Variants in CHD2 observed in about 807,000 individuals in gnomAD.
CHD2 encodes chromodomain helicase DNA binding protein 2.
A neutral mutation model predicts 243.9 loss-of-function variants in CHD2; 28 were observed. That is an observed-to-expected ratio of 0.11 (90% confidence interval 0.09 to 0.16). CHD2 has a LOEUF of 0.16. CHD2 is among the 10% of genes least tolerant of loss of function. The pLI, the probability that CHD2 is intolerant of heterozygous loss-of-function variation, is 1.00. For synonymous variants in CHD2, 775 were observed against 779.0 expected (o/e 0.99, Z 0.09); for missense variants, 1,386 against 2,209.8 (o/e 0.63, Z 7.47).
Position 92,977,495 on chromosome 15 carries a change from T to C in CHD2, c.2578-739T>C, listed in dbSNP as rs1474448499. 9.9e-5 allele frequency among the ~76,000 whole-genome samples: 15 copies of C among 152,192 alleles called. 1 individual carries two copies. On this transcript the variant is annotated intron_variant, in intron 20 of 38. Transcript: ENST00000394196. ...TGATTAAATTCCCTGAAAATAGAAA[T>C]ATTTCACCTTTTCCCCCCGGCTTAT...
rs1025314321 is a variant in CHD2 at position 92,941,692 on chromosome 15, TG to T, written c.693-128del. On this transcript the variant is annotated intron_variant, in intron 7 of 38. Coordinates refer to ENST00000394196, the MANE Select transcript of CHD2 (RefSeq NM_001271.4). ...AAGTAAGCTTTGAGCCTACTGTAAATGGCAGATCTATAAAACAACATGCTTT... is the reference window on the plus strand; with the variant it reads ...AAGTAAGCTTTGAGCCTACTGTAAATGCAGATCTATAAAACAACATGCTTT... 56 of 878,578 alleles carry T rather than the reference TG, an allele frequency of 6.4e-5. No homozygotes were observed. In the African/African-American group the frequency reaches 9.6e-4, roughly 15 times the overall value. 54.4% of individuals were successfully genotyped at this position (878,578 alleles called of 1,614,324 possible). A position where few individuals can be genotyped will look rare whatever the true frequency, so the allele number is the denominator to read the frequency against.
rs561490108 is a variant in CHD2, at chr15:92,933,562, G to A, written c.444-3956G>A. Among the ~76,000 whole-genome samples, 3 of 152,226 alleles carry A rather than the reference G, an allele frequency of 2.0e-5. No individual in the cohort carries two copies. The South Asian group carries it at 6.2e-4, about 32-fold the overall frequency. On this transcript the variant is annotated intron_variant, in intron 5 of 38. Coordinates refer to ENST00000394196, the MANE Select transcript of CHD2 (RefSeq NM_001271.4). ...CTCTTAATGTTATCCAAATTGCGCA[G>A]TGTTGTATAAGATTTTTGTTGACTT...
chr15:92,971,710 C>T, intron 17 of CHD2, 55 bp from the exon 18 acceptor site: 1 of 1,527,048 alleles, frequency 6.5e-7, no homozygotes, highest in Non-Finnish European at 8.9e-7. Flanking sequence ...CTTCTGGTAC[C>T]TACAACTTTC....
intron 27 of CHD2, 46 bp from the exon 28 acceptor site, chr15:92,992,813 A>G: frequency 1.2e-6 from 2 of 1,602,056 alleles, no homozygotes; most frequent in Non-Finnish European, 1.7e-6. Context: ...ACTTAAGAAG[A>G]GTGGGCACAG....
At chr15:92,979,489 C>T (rs1009900600) in intron 22 of CHD2, among the ~76,000 whole-genome samples, 2 of 152,130 alleles carry the variant, frequency 1.3e-5, no homozygotes, top group Non-Finnish European at 1.5e-5. Flanking sequence ...GTTTTCCTCT[C>T]TTTCTTGCCC....
chr15:93,016,329 A>G (rs2054459804), intron 37 of CHD2, among the ~76,000 whole-genome samples: 1 of 152,198 alleles, frequency 6.6e-6, no homozygotes, highest in African/African-American at 2.4e-5. Flanking sequence ...CAGGGAGTAG[A>G]ACAGTAGTTA....
intron 37 of CHD2, among the ~76,000 whole-genome samples, chr15:93,019,184 T>C (rs1478170363): frequency 3.3e-5 from 5 of 152,282 alleles, no homozygotes; most frequent in Admixed American, 3.3e-4. Flanking sequence ...TAGGGAAGAA[T>C]AATAGAATCG....
At chr15:93,021,843 G>C (rs2054538202) in intron 38 of CHD2, 1 of 152,186 alleles carries the variant, frequency 6.6e-6, no homozygotes, top group African/African-American at 2.4e-5. Context: ...TGTGGGTCTT[G>C]CTCCCCTGGT....
intron 7 of CHD2, among the ~76,000 whole-genome samples, chr15:92,940,847 T>C (rs1406959428): frequency 6.6e-5 from 7 of 105,358 alleles, no homozygotes; most frequent in Admixed American, 5.5e-4. Flanking sequence ...TAAAAATATA[T>C]ATAAATATAT....
intron 28 of CHD2, chr15:92,993,286 G>A (rs1047588086): frequency 2.5e-5 from 8 of 316,412 alleles, no homozygotes; most frequent in Admixed American, 1.7e-4. Context: ...AAACCCAGGG[G>A]CAGAGCTTGG....
At chr15:92,904,920 CAAAGG>C (rs1445843509) in intron 2 of CHD2, 3 of 1,535,816 alleles carry the variant, frequency 2.0e-6, no homozygotes, top group Non-Finnish European at 2.6e-6. Flanking sequence ...GGCTCATAAA[CAAAGG>C]GAAGATTATT....
At chr15:92,979,084 G>A (rs748571813) in intron 21 of CHD2, 51 bp from the exon 22 acceptor site, 7 of 1,578,760 alleles carry the variant, frequency 4.4e-6, no homozygotes, top group Middle Eastern at 1.8e-4. Context: ...CTTTTTTTGG[G>A]GGGGTTGGGG....
At chr15:93,003,089 G>GCAAC (rs148852120) in intron 33 of CHD2, among the ~76,000 whole-genome samples, 10,440 of 151,984 alleles carry the variant, frequency 0.069, 504 homozygotes, top group South Asian at 0.12. Flanking sequence ...TACAGCCTTG[G>GCAAC]CAACGTAGGG....
chr15:92,946,653 A>AT (rs943118296), intron 12 of CHD2: 21 of 152,516 alleles, frequency 1.4e-4, no homozygotes, highest in African/African-American at 4.8e-4. Context: ...CTTCCAGCTA[A>AT]TTTTTTGTAT....
At chr15:92,950,177 A>G (rs568601760) in intron 13 of CHD2, among the ~76,000 whole-genome samples, 48 of 152,336 alleles carry the variant, frequency 3.2e-4, no homozygotes, top group Non-Finnish European at 5.7e-4. Context: ...AAGGACATAG[A>G]ATGTACTTAT....
chr15:92,979,305 A>G lies in CHD2; in HGVS notation c.2876+22A>G, dbSNP rs1212359700. The G allele has an allele frequency of 2.5e-6, 4 of 1,610,650 alleles. No homozygotes were observed. The East Asian group carries it at 8.9e-5, about 36-fold the overall frequency. On this transcript the variant is annotated intron_variant, in intron 22 of 38. Transcript: ENST00000394196. Reference sequence around the variant, plus strand: ...CCAAGTAAGTGCCAGGAAGATTGGGAGGTAGGCAGAATCAAATTGATTCTA... The same window carrying G: ...CCAAGTAAGTGCCAGGAAGATTGGGGGGTAGGCAGAATCAAATTGATTCTA...
chr15:92,900,566 A>G lies in CHD2; in HGVS notation c.-330A>G. 2.5e-6 allele frequency: 1 copy of G among 398,606 alleles called. No individual in the cohort carries two copies. The highest frequency in any genetic ancestry group is 4.4e-6 in the Non-Finnish European group (1 of 226,060). The allele number at this position is 398,606 out of a possible 1,614,324, so 24.7% of individuals were successfully genotyped here. On this transcript the variant is annotated 5_prime_UTR_variant, in exon 1 of 39. Transcript: ENST00000394196. ...AAAGAAGCAGCCGTACTGAGAGCCC[A>G]GGTCGTTGTTTTTTCCAGCTTAGAA...
chr15:92,909,653 C>T (rs928527615), intron 2 of CHD2, among the ~76,000 whole-genome samples: 12 of 152,094 alleles, frequency 7.9e-5, no homozygotes, highest in African/African-American at 2.7e-4. Flanking sequence ...ATTTTCCCAC[C>T]TCTGCCTCCC....
At chr15:92,980,320 C>T (rs2053963409) in intron 22 of CHD2, among the ~76,000 whole-genome samples, 1 of 150,870 alleles carries the variant, frequency 6.6e-6, no homozygotes, top group South Asian at 2.1e-4. Flanking sequence ...CTCAGCCCCT[C>T]AAAGTGCTGG....
Sources: gnomAD v4.1 joint callset for allele counts (sites outside exome capture counted in the v4.1 genomes callset) on GRCh38, gnomAD v4.1.1 for gene constraint, MANE v1.5 for transcripts, NCBI Gene and HGNC (gene_info 2026-07-23, HGNC 2026-07-21) for gene names.